Variants in GRM5 observed in about 807,000 individuals in gnomAD.
The protein encoded by GRM5 is glutamate metabotropic receptor 5, also known as metabotropic glutamate receptor 5.
GRM5 carries 19 observed loss-of-function variants against 83.1 expected under a neutral mutation model. The ratio of observed to expected loss-of-function variants is 0.23; its 90% confidence interval spans 0.16 to 0.34. GRM5 has a LOEUF of 0.34. Among genes scored for constraint, GRM5 ranks in the 10% least tolerant of loss-of-function variants. The pLI is 1.00. For synonymous variants in GRM5, 675 were observed against 633.6 expected, an observed-to-expected ratio of 1.07 and a Z score of -0.98; for missense variants, 1,160 against 1,588.3, an observed-to-expected ratio of 0.73 and a Z score of 4.58.
chr11:89,012,836 C>T (rs1453993484), intron 2 of GRM5, among the ~76,000 whole-genome samples: 1 of 152,154 alleles, frequency 6.6e-6, no homozygotes, highest in African/African-American at 2.4e-5. Flanking sequence ...CATTACATAC[C>T]GTTTGAATAG....
chr11:88,814,675 A>G (rs12280553), intron 3 of GRM5, among the ~76,000 whole-genome samples: 3,878 of 152,310 alleles, frequency 0.025, 172 homozygotes, highest in African/African-American at 0.089. Context: ...CCAGAACAAA[A>G]TTGAAGAGAT....
chr11:89,003,811 G>T (rs530247194), intron 2 of GRM5, among the ~76,000 whole-genome samples: 5 of 152,174 alleles, frequency 3.3e-5, no homozygotes, highest in Non-Finnish European at 7.4e-5. Flanking sequence ...GTAGTGTTTT[G>T]TGTTTGATCC....
chr11:88,552,615 T>C (rs2135148969), intron 8 of GRM5, among the ~76,000 whole-genome samples: 1 of 152,162 alleles, frequency 6.6e-6, no homozygotes, highest in Middle Eastern at 3.4e-3. Context: ...TGCCACCTAC[T>C]GGCCAGGAAA....
At chr11:88,643,989 G>A (rs2135290584) in intron 4 of GRM5, among the ~76,000 whole-genome samples, 1 of 152,320 alleles carries the variant, frequency 6.6e-6, no homozygotes. Context: ...AAGAGAAGAA[G>A]AAACACTTCT....
chr11:88,995,470 G>A (rs555303700), intron 2 of GRM5, among the ~76,000 whole-genome samples: 4 of 150,272 alleles, frequency 2.7e-5, no homozygotes, highest in South Asian at 2.1e-4. Flanking sequence ...ACTTGAACCC[G>A]GGAGGTAGAG....
chr11:88,966,490 G>C (rs998501650), intron 2 of GRM5, among the ~76,000 whole-genome samples: 3 of 152,032 alleles, frequency 2.0e-5, no homozygotes, highest in African/African-American at 7.2e-5. Context: ...CCAATATCAG[G>C]AATTGAATAA....
chr11:88,756,236 T>C (rs1359492752), intron 3 of GRM5, among the ~76,000 whole-genome samples: 1 of 152,158 alleles, frequency 6.6e-6, no homozygotes, highest in African/African-American at 2.4e-5. Flanking sequence ...TGAGTGGTCA[T>C]AAATGGAAGA....
At chr11:88,621,412 G>A (rs908197511) in intron 4 of GRM5, among the ~76,000 whole-genome samples, 1 of 152,084 alleles carries the variant, frequency 6.6e-6, no homozygotes, top group African/African-American at 2.4e-5. Flanking sequence ...GCCTTTCCCA[G>A]GTAGAATTGA....
chr11:88,966,785 T>C (rs1406765186), intron 2 of GRM5, among the ~76,000 whole-genome samples: 1 of 152,134 alleles, frequency 6.6e-6, no homozygotes, highest in East Asian at 1.9e-4. Flanking sequence ...ACGTTCTCTA[T>C]GTGGAAGGAA....
intron 8 of GRM5, among the ~76,000 whole-genome samples, chr11:88,531,546 C>G (rs1170073232): frequency 1.3e-5 from 2 of 152,150 alleles, no homozygotes; most frequent in Admixed American, 1.3e-4. Context: ...TGAGGACACT[C>G]AAGATGCAAA....
intron 4 of GRM5, among the ~76,000 whole-genome samples, chr11:88,617,930 G>C (rs1938528278): frequency 6.6e-6 from 1 of 152,172 alleles, no homozygotes. Flanking sequence ...GAGGTGGGGA[G>C]TGCTAAGAAA....
chr11:88,593,778 CTCTCTCTTTCTCTCTTTTTCTCTT>C (rs1565352470), intron 6 of GRM5, among the ~76,000 whole-genome samples: 1 of 95,336 alleles, frequency 1.0e-5, no homozygotes, highest in East Asian at 3.5e-4. Flanking sequence ...CTCTCTCTCT[CTCTCTCTTTCTCTCTTTTTCTCTT>C]TCTTTCTTTT....
At chr11:89,012,663 CAGA>C (rs1940736648) in intron 2 of GRM5, among the ~76,000 whole-genome samples, 1 of 152,124 alleles carries the variant, frequency 6.6e-6, no homozygotes, top group Non-Finnish European at 1.5e-5. Flanking sequence ...AGTAAATGAA[CAGA>C]AGGAGACATA....
At chr11:88,784,794 C>G (rs2135467051) in intron 3 of GRM5, among the ~76,000 whole-genome samples, 1 of 152,090 alleles carries the variant, frequency 6.6e-6, no homozygotes, top group East Asian at 1.9e-4. Flanking sequence ...AGTCCATAAA[C>G]CCGATTAGCA....
intron 2 of GRM5, among the ~76,000 whole-genome samples, chr11:88,974,428 G>C (rs557098203): frequency 2.7e-5 from 4 of 150,560 alleles, no homozygotes; most frequent in Non-Finnish European, 5.9e-5. Flanking sequence ...TAGATAATCT[G>C]TATTTAGAGA....
In GRM5 at chr11:88,920,430, C is replaced by CAA. The variant is rs1245962694; in HGVS notation, c.662-70277_662-70276dup. Among the ~76,000 whole-genome samples, 4 of 10,674 alleles carry CAA rather than the reference C, an allele frequency of 3.7e-4. 1 individual carries two copies. The highest frequency in any genetic ancestry group is 6.9e-4 in the Non-Finnish European group (2 of 2,894). 7.0% of individuals were successfully genotyped at this position (10,674 alleles called of 152,430 possible). The stretch of plus-strand genomic sequence containing the variant: ...CTCCCAGCCAAAAAAAAAAAAAAAC[C>CAA]AAAAAAAAAAAAACCTCAGGGCCCA... On this transcript the variant is annotated intron_variant, in intron 2 of 9. Coordinates refer to ENST00000305447, the MANE Select transcript of GRM5 (RefSeq NM_001143831.3).
At chr11:88,828,422 C>T (rs993463729) in intron 3 of GRM5, among the ~76,000 whole-genome samples, 5 of 151,932 alleles carry the variant, frequency 3.3e-5, no homozygotes, top group African/African-American at 1.2e-4. Context: ...CTAATTTGGG[C>T]ATATATATAT....
chr11:88,561,233 C>A (rs997053105), intron 8 of GRM5, among the ~76,000 whole-genome samples: 1 of 152,216 alleles, frequency 6.6e-6, no homozygotes, highest in Admixed American at 6.5e-5. Flanking sequence ...GTGGGGAGAC[C>A]AGCAGTTGCT....
intron 8 of GRM5, among the ~76,000 whole-genome samples, chr11:88,530,013 G>A (rs1398028549): frequency 1.3e-5 from 2 of 152,000 alleles, no homozygotes; most frequent in Non-Finnish European, 2.9e-5. Flanking sequence ...AACATTTGGA[G>A]GTTAGAGGAT....
Sources: allele counts gnomAD v4.1 joint callset (sites outside exome capture counted in the v4.1 genomes callset), GRCh38; gene constraint gnomAD v4.1.1; transcripts MANE v1.5; gene names NCBI Gene and HGNC (gene_info 2026-07-23, HGNC 2026-07-21).